ZHX2: variants seen among roughly 807,000 people sequenced by gnomAD.
ZHX2 encodes zinc fingers and homeoboxes protein 2.
Under a neutral mutation model 21.9 loss-of-function variants are expected in ZHX2, and 6 were observed. The observed-to-expected ratio is 0.27, with a 90% CI of 0.15 to 0.54. The LOEUF is 0.54. Among genes scored for constraint, ZHX2 ranks in the 20% least tolerant of loss-of-function variants. The pLI is 0.95. For synonymous variants in ZHX2, 434 were observed against 437.1 expected (o/e 0.99, Z 0.09); for missense variants, 908 against 1,090.7 (o/e 0.83, Z 2.36).
At chr8:122,870,413 T>G (rs1015838868) in intron 2 of ZHX2, among the ~76,000 whole-genome samples, 18 of 151,844 alleles carry the variant, frequency 1.2e-4, no homozygotes, top group Admixed American at 9.2e-4. Context: ...GTGGATCATC[T>G]GAGGTCAGGA....
At chr8:122,935,215 T>C (rs1172680314) in intron 2 of ZHX2, among the ~76,000 whole-genome samples, 1 of 143,834 alleles carries the variant, frequency 7.0e-6, no homozygotes, top group East Asian at 1.9e-4. Flanking sequence ...TGAATTGTCT[T>C]AAGTAAGAGA....
chr8:122,875,167 A>ATCCTT (rs1819540739), intron 2 of ZHX2, among the ~76,000 whole-genome samples: 2 of 32,820 alleles, frequency 6.1e-5, no homozygotes, highest in Non-Finnish European at 1.1e-4. Context: ...ATATATATAT[A>ATCCTT]TATATATATA....
At chr8:122,885,735 C>T (rs569091889) in intron 2 of ZHX2, among the ~76,000 whole-genome samples, 50 of 152,280 alleles carry the variant, frequency 3.3e-4, no homozygotes, top group Non-Finnish European at 2.9e-4. Context: ...GACCCCCCAA[C>T]TAAGAGTTAT....
intron 1 of ZHX2, among the ~76,000 whole-genome samples, chr8:122,861,807 G>A (rs1240731371): frequency 6.6e-6 from 1 of 152,174 alleles, no homozygotes; most frequent in Non-Finnish European, 1.5e-5. Context: ...TGATTAGCTG[G>A]TGGATAAAAA....
intron 2 of ZHX2, among the ~76,000 whole-genome samples, chr8:122,929,567 C>T (rs1820933156): frequency 1.3e-5 from 2 of 151,640 alleles, no homozygotes; most frequent in Admixed American, 1.3e-4. Flanking sequence ...AGCTTGACTC[C>T]AGGAAGCAGA....
At chr8:122,928,389 C>T (rs1358961774) in intron 2 of ZHX2, among the ~76,000 whole-genome samples, 2 of 152,136 alleles carry the variant, frequency 1.3e-5, no homozygotes, top group African/African-American at 4.8e-5. Flanking sequence ...AAGTAGGGGA[C>T]ATTCAAAGAT....
intron 2 of ZHX2, among the ~76,000 whole-genome samples, chr8:122,939,306 A>G (rs554159903): frequency 1.6e-4 from 24 of 152,316 alleles, no homozygotes; most frequent in African/African-American, 2.9e-4. Context: ...CACGTCTCCC[A>G]CTCAGGAGCC....
intron 1 of ZHX2, among the ~76,000 whole-genome samples, chr8:122,804,492 G>A (rs1028424602): frequency 1.3e-5 from 2 of 152,194 alleles, no homozygotes; most frequent in Non-Finnish European, 2.9e-5. Flanking sequence ...GGGGAGGCAA[G>A]GATAAGGAAA....
In ZHX2 at chr8:122,953,137, A is replaced by C. The variant is rs1813177429; in HGVS notation, c.1627A>C (p.Ile543Leu). 2 of 1,613,878 alleles carry C rather than the reference A, an allele frequency of 1.2e-6. No homozygotes were observed. Among genetic ancestry groups the C allele is most frequent in the African/African-American group, 1.3e-5 (1 of 75,004 alleles). ...FKEKTQGQVKILEDSFLKSSF... is the reference protein window; with the variant it reads ...FKEKTQGQVKLLEDSFLKSSF... ...AGAGAAAACACAGGGTCAGGTTAAA[A>C]TCTTGGAAGACAGCTTTTTGAAAAG... Residue 543 changes from isoleucine (I) to leucine (L), a missense_variant, in exon 3 of 4, where the codon ATC (isoleucine) becomes CTC (leucine). Transcript: ENST00000314393. The surrounding 1 kb of genome is among the most constrained non-coding windows in gnomAD (Gnocchi z 4.6).
In ZHX2 at chr8:122,912,861, AG is replaced by A. The variant is rs368501777; in HGVS notation, c.-219-38430del. On this transcript the variant is annotated intron_variant, in intron 2 of 3. Coordinates refer to ENST00000314393, the MANE Select transcript of ZHX2 (RefSeq NM_014943.5). The stretch of plus-strand genomic sequence containing the variant: ...AGGTAGGAATTTAGATTTAAGAAAA[AG>A]AAAAACAGCTTTATTGGGGCATAAT... Among the ~76,000 whole-genome samples, 503 of 152,170 alleles carry A rather than the reference AG, an allele frequency of 3.3e-3. 3 individuals are homozygous for A. The highest frequency in any genetic ancestry group is 0.011 in the African/African-American group (444 of 41,472).
chr8:122,917,825 A>G (rs1177178977), intron 2 of ZHX2, among the ~76,000 whole-genome samples: 1 of 152,198 alleles, frequency 6.6e-6, no homozygotes, highest in Non-Finnish European at 1.5e-5. Context: ...AATATAGGCT[A>G]CAGAGGCACA....
At chr8:122,902,358 C>T (rs1028263537) in intron 2 of ZHX2, among the ~76,000 whole-genome samples, 8 of 152,298 alleles carry the variant, frequency 5.3e-5, no homozygotes, top group African/African-American at 1.9e-4. Context: ...AGTGACATTG[C>T]CTGGGTTCAA....
At chr8:122,833,066 G>T (rs1818414375) in intron 1 of ZHX2, among the ~76,000 whole-genome samples, 1 of 152,156 alleles carries the variant, frequency 6.6e-6, no homozygotes, top group South Asian at 2.1e-4. Context: ...GTGAAATGTG[G>T]GTGTCAGGAT....
In ZHX2 at chr8:122,878,577, A is replaced by G. The variant is rs7826789; in HGVS notation, c.-220+15038A>G. On this transcript the variant is annotated intron_variant, in intron 2 of 3. Transcript: ENST00000314393. ...GGCAGAGGAGCGAGGGTGCTTTTGC[A>G]GAAAGGTACAAGAGCTTTTTCAGGT... 6.8e-3 allele frequency among the ~76,000 whole-genome samples: 1,039 copies of G among 152,272 alleles called. 10 individuals are homozygous for G. Among genetic ancestry groups the G allele is most frequent in the African/African-American group, 0.022 (926 of 41,548 alleles).
At chr8:122,836,300 C>T (rs1818494590) in intron 1 of ZHX2, among the ~76,000 whole-genome samples, 1 of 152,142 alleles carries the variant, frequency 6.6e-6, no homozygotes, top group South Asian at 2.1e-4. Context: ...GGAAAACTTA[C>T]CAGTAGGCGA....
chr8:122,967,848 G>A lies in ZHX2; in HGVS notation c.*5-5394G>A, dbSNP rs150176291. The stretch of plus-strand genomic sequence containing the variant: ...GGGGATATAATTCTGCCCTACATTG[G>A]CCAGGATGAGTACTCGGGTTTCTTA... On this transcript the variant is annotated intron_variant, in intron 3 of 3. Transcript: ENST00000314393. Among the ~76,000 whole-genome samples, 33 of 152,262 alleles carry A rather than the reference G, an allele frequency of 2.2e-4. No homozygotes were observed. The East Asian group carries it at 6.2e-3, about 28-fold the overall frequency.
At chr8:122,844,650 A>G (rs1486810135) in intron 1 of ZHX2, among the ~76,000 whole-genome samples, 1 of 152,196 alleles carries the variant, frequency 6.6e-6, no homozygotes, top group Non-Finnish European at 1.5e-5. Context: ...CTTTCTAGAC[A>G]GAGCACCCCC....
intron 1 of ZHX2, among the ~76,000 whole-genome samples, chr8:122,803,706 C>T (rs879619448): frequency 4.6e-5 from 7 of 152,260 alleles, no homozygotes; most frequent in Non-Finnish European, 1.0e-4. Flanking sequence ...TCACAGCCTT[C>T]TTCACTCTCT....
chr8:122,846,335 G>A (rs1323608513), intron 1 of ZHX2, among the ~76,000 whole-genome samples: 1 of 152,200 alleles, frequency 6.6e-6, no homozygotes, highest in Non-Finnish European at 1.5e-5. Context: ...CTGGCGGAGA[G>A]CAGGTCTTAT....
Sources: gnomAD v4.1 joint callset for allele counts (sites outside exome capture counted in the v4.1 genomes callset) on GRCh38, gnomAD v4.1.1 for gene constraint, Gnocchi (gnomAD v3.1) non-coding constraint, MANE v1.5 for transcripts, NCBI Gene and HGNC (gene_info 2026-07-23, HGNC 2026-07-21) for gene names.